The following GOLGB1 variants were observed in gnomAD, a reference collection of about 807,000 sequenced individuals.
GOLGB1 encodes golgin B1.
Under a neutral mutation model 336.9 loss-of-function variants are expected in GOLGB1, and 174 were observed. The ratio of observed to expected loss-of-function variants is 0.52; its 90% CI spans 0.46 to 0.59. The LOEUF (loss-of-function observed/expected upper bound fraction) is 0.59. Among genes scored for constraint, GOLGB1 ranks in the 20% least tolerant of loss-of-function variants. The pLI is 0.00. For synonymous variants in GOLGB1, 1,208 were observed against 1,289.2 expected, an observed-to-expected ratio of 0.94 and a Z score of 1.35; for missense variants, 3,331 against 3,645.3, an observed-to-expected ratio of 0.91 and a Z score of 2.22.
rs560039278 is a variant in GOLGB1, at chr3:121,749,675, T to G, written c.-46A>C. 1 of 152,590 alleles carries G rather than the reference T, an allele frequency of 6.6e-6. No homozygotes were observed. Among genetic ancestry groups the G allele is most frequent in the Non-Finnish European group, 1.5e-5 (1 of 68,282 alleles). 9.5% of individuals were successfully genotyped at this position (152,590 alleles called of 1,614,324 possible). ...GAGGCTCCAGCTGCCCCCCTCCCAA[T>G]TCAAGCCACGTCAGCTCGGGAAGCC... On this transcript the variant is annotated 5_prime_UTR_variant, in exon 1 of 22. Coordinates refer to ENST00000614479, the MANE Select transcript of GOLGB1 (RefSeq NM_001366282.2).
At chr3:121,682,010 T>TA in intron 14 of GOLGB1, 145 bp from the exon 15 acceptor site, 1 of 628,278 alleles carries the variant, frequency 1.6e-6, no homozygotes, top group Non-Finnish European at 2.8e-6. Context: ...CACTGCAACA[T>TA]AAGTCTCTAA....
At chr3:121,687,763 C>T (rs1009291115) in intron 14 of GOLGB1, among the ~76,000 whole-genome samples, 2 of 152,166 alleles carry the variant, frequency 1.3e-5, no homozygotes, top group Non-Finnish European at 2.9e-5. Flanking sequence ...CAGAATCTAT[C>T]CTAACAGCTC....
chr3:121,708,628 G>A (rs891966208), intron 10 of GOLGB1, among the ~76,000 whole-genome samples: 1 of 152,084 alleles, frequency 6.6e-6, no homozygotes, highest in African/African-American at 2.4e-5. Flanking sequence ...ACAAGACCCT[G>A]TTTCAAAAAA....
intron 11 of GOLGB1, 95 bp from the exon 12 acceptor site, chr3:121,699,980 T>A (rs945902706): frequency 1.4e-5 from 10 of 734,194 alleles, no homozygotes; most frequent in Non-Finnish European, 2.2e-5. Flanking sequence ...TATGAAATAA[T>A]TTTTTAAAAA....
intron 19 of GOLGB1, 60 bp from the exon 20 acceptor site, chr3:121,667,670 A>C (rs1318853971): frequency 4.0e-5 from 59 of 1,470,076 alleles, no homozygotes; most frequent in Non-Finnish European, 5.5e-5. Flanking sequence ...TGCTAATACA[A>C]GGGATTCAAA....
rs189229264 is a variant in GOLGB1 at position 121,704,636 on chromosome 3, C to T, written c.1405-2041G>A. 2.5e-3 allele frequency among the ~76,000 whole-genome samples: 381 copies of T among 151,912 alleles called. 2 individuals carry two copies. Among genetic ancestry groups the T allele is most frequent in the African/African-American group, 8.6e-3 (357 of 41,482 alleles). On this transcript the variant is annotated intron_variant, in intron 10 of 21. Transcript: ENST00000614479. ...CTACTAAAATACAAAATTAGCCAGGCGTGGTGACTCACGCCTGTAATCCCA... is the reference window on the plus strand; with the variant it reads ...CTACTAAAATACAAAATTAGCCAGGTGTGGTGACTCACGCCTGTAATCCCA...
At chr3:121,747,502 C>T (rs1028433956) in intron 1 of GOLGB1, among the ~76,000 whole-genome samples, 1 of 149,750 alleles carries the variant, frequency 6.7e-6, no homozygotes, top group African/African-American at 2.5e-5. Flanking sequence ...ATCTAAATGT[C>T]CATCAATGGG....
At position 121,725,617 on chromosome 3, in the gene GOLGB1, T is replaced by C. The variant is rs552248589; in HGVS notation, c.531+1296A>G. ...AATGTATTTGTATGTGAGAAGAATA[T>C]GAGTTTTGGAGAGCCAAGGGTGGAA... is the stretch of plus-strand genomic sequence containing the variant. On this transcript the variant is annotated intron_variant, in intron 5 of 21. Coordinates refer to ENST00000614479, the MANE Select transcript of GOLGB1 (RefSeq NM_001366282.2). Among the ~76,000 whole-genome samples the C allele has an allele frequency of 5.9e-5, 9 of 152,278 alleles. No homozygotes were observed. In the South Asian group the frequency reaches 1.9e-3, roughly 32 times the overall value.
chr3:121,668,321 A>T (rs1938947841), intron 18 of GOLGB1, 163 bp from the exon 19 acceptor site: 3 of 486,908 alleles, frequency 6.2e-6, no homozygotes, highest in Non-Finnish European at 1.1e-5. Context: ...CACCTACATA[A>T]AACTCTTGTC....
chr3:121,689,346 C>T (rs1942186095), intron 14 of GOLGB1, among the ~76,000 whole-genome samples: 1 of 152,226 alleles, frequency 6.6e-6, no homozygotes, highest in African/African-American at 2.4e-5. Context: ...GATCTGTGAC[C>T]TTACCCCCAA....
At chr3:121,727,266 A>G (rs1274264854) in intron 4 of GOLGB1, among the ~76,000 whole-genome samples, 2 of 139,726 alleles carry the variant, frequency 1.4e-5, no homozygotes, top group Non-Finnish European at 3.1e-5. Flanking sequence ...TAATAGCTAT[A>G]AACTGTGAAA....
intron 14 of GOLGB1, among the ~76,000 whole-genome samples, chr3:121,684,084 T>C (rs1251843982): frequency 7.9e-6 from 1 of 126,484 alleles, no homozygotes; most frequent in East Asian, 2.4e-4. Flanking sequence ...GCCAAGATCA[T>C]GCCATTGCAC....
At chr3:121,745,542 A>ATATACATATGTATACGTGTATGTATATG (rs1560347421) in intron 1 of GOLGB1, among the ~76,000 whole-genome samples, 7 of 151,668 alleles carry the variant, frequency 4.6e-5, no homozygotes, top group African/African-American at 1.5e-4. Flanking sequence ...GTATGTATAT[A>ATATACATATGTATACGTGTATGTATATG]TATACATATG....
chr3:121,724,894 G>A (rs1258579420), intron 5 of GOLGB1, among the ~76,000 whole-genome samples: 8 of 152,214 alleles, frequency 5.3e-5, no homozygotes, highest in Non-Finnish European at 7.3e-5. Flanking sequence ...GTTCTGGTTA[G>A]TGCAAAGCAG....
chr3:121,717,879 G>T (rs954728070), intron 8 of GOLGB1, among the ~76,000 whole-genome samples: 2 of 152,200 alleles, frequency 1.3e-5, no homozygotes, highest in East Asian at 3.9e-4. Context: ...GGGATAGGAC[G>T]CAAGTCTAAA....
chr3:121,684,020 C>T (rs1352890151), intron 14 of GOLGB1, among the ~76,000 whole-genome samples: 1 of 148,540 alleles, frequency 6.7e-6, no homozygotes, highest in Non-Finnish European at 1.5e-5. Context: ...CCCAGCTACT[C>T]ATTAGGCTGA....
Position 121,730,895 on chromosome 3 carries a change from A to G in GOLGB1, c.77T>C (p.Met26Thr), listed in dbSNP as rs753720141. 49 of 1,612,316 alleles carry G rather than the reference A, an allele frequency of 3.0e-5. 1 individual carries two copies. The South Asian group carries it at 4.5e-4, about 15-fold the overall frequency. ...ACTCACAGGGTCTAGGGGAGCCCTC[A>G]TATTCTGATCAGTGTCATCATCTCC... Reference protein sequence around the residue: ...LSGDDDTDQNMRAPLDPELHQ... With the variant: ...LSGDDDTDQNTRAPLDPELHQ... Residue 26 changes from methionine to threonine, a missense_variant, in exon 2 of 22, where the codon ATG (methionine) becomes ACG (threonine). Physicochemically the swap from Met to Thr is moderately conservative, Grantham distance 81 (BLOSUM62 -1). Transcript: ENST00000614479.
intron 18 of GOLGB1, 26 bp downstream of exon 18, chr3:121,669,186 C>A (rs185449452): frequency 6.2e-7 from 1 of 1,610,660 alleles, no homozygotes; most frequent in Admixed American, 1.7e-5. Flanking sequence ...ACACTTCTCC[C>A]AGTCTCTCAC....
intron 11 of GOLGB1, among the ~76,000 whole-genome samples, chr3:121,700,422 G>C (rs1049702274): frequency 3.9e-5 from 6 of 152,070 alleles, no homozygotes; most frequent in Admixed American, 2.6e-4. Flanking sequence ...CAAGTCTTCA[G>C]AGTTTTAACC....
Sources: allele counts gnomAD v4.1 joint callset (sites outside exome capture counted in the v4.1 genomes callset), GRCh38; gene constraint gnomAD v4.1.1; transcripts MANE v1.5; gene names NCBI Gene and HGNC (gene_info 2026-07-23, HGNC 2026-07-21).